The following FBN1 variants were observed in gnomAD, a reference collection of about 807,000 sequenced individuals.
FBN1 encodes fibrillin-1.
In FBN1, 29 loss-of-function variants were observed where a neutral mutation model predicts 365.1. The ratio of observed to expected loss-of-function variants is 0.08; its 90% CI spans 0.06 to 0.11. FBN1 has a LOEUF of 0.11. Among genes scored for constraint, FBN1 ranks in the 10% least tolerant of loss-of-function variants. The pLI is 1.00. For missense variants in FBN1, 2,476 were observed against 3,703.2 expected, an observed-to-expected ratio of 0.67 and a Z score of 8.60; for synonymous variants, 1,210 against 1,270.5, an observed-to-expected ratio of 0.95 and a Z score of 1.01.
At chr15:48,560,743 C>T (rs1053500263) in intron 6 of FBN1, among the ~76,000 whole-genome samples, 3 of 152,088 alleles carry the variant, frequency 2.0e-5, no homozygotes, top group African/African-American at 4.8e-5. Context: ...CAAATGTTGA[C>T]GGAGCCCCAA....
intron 6 of FBN1, among the ~76,000 whole-genome samples, chr15:48,566,977 G>A (rs192585804): frequency 2.8e-4 from 42 of 152,262 alleles, no homozygotes; most frequent in African/African-American, 8.4e-4. Flanking sequence ...ACCATCACCC[G>A]GGAGTTTGAT....
chr15:48,516,261 G>C lies in FBN1; in HGVS notation c.1249C>G (p.Pro417Ala). The C allele has an allele frequency of 6.2e-7, 1 of 1,613,300 alleles. No homozygotes were observed. The highest frequency in any genetic ancestry group is 8.5e-7 in the Non-Finnish European group (1 of 1,179,584). ...GPIPPVLPVP[P>A]GFPPGPQIPV... is the part of the protein sequence containing the mutation. ...ATTTGAGGTCCAGGAGGAAAGCCAG[G>C]AGGAACAGGGAGAACTGGAGGAATG... Residue 417 changes from proline to alanine, a missense_variant, in exon 11 of 66, where the codon CCT becomes GCT. Transcript: ENST00000316623.
chr15:48,596,004 T>C (rs2044512481), intron 6 of FBN1, among the ~76,000 whole-genome samples: 2 of 152,354 alleles, frequency 1.3e-5, no homozygotes, highest in South Asian at 4.1e-4. Context: ...TTTATCCTGA[T>C]GCCAACTGGT....
intron 21 of FBN1, 52 bp from the exon 22 acceptor site, chr15:48,495,312 A>T: frequency 6.2e-7 from 1 of 1,604,274 alleles, no homozygotes; most frequent in Non-Finnish European, 8.5e-7. Flanking sequence ...ATTCAAACAT[A>T]CACCTTGGAA....
chr15:48,554,222 C>T (rs571146708), intron 6 of FBN1, among the ~76,000 whole-genome samples: 41 of 152,290 alleles, frequency 2.7e-4, no homozygotes, highest in Middle Eastern at 3.4e-3. Context: ...GCAGATGGAA[C>T]GACAATCTAC....
At chr15:48,512,783 T>C (rs2043771450) in intron 13 of FBN1, among the ~76,000 whole-genome samples, 1 of 152,130 alleles carries the variant, frequency 6.6e-6, no homozygotes, top group Non-Finnish European at 1.5e-5. Context: ...TTTTCTGTCT[T>C]TACTGAATTA....
chr15:48,435,750 ATGTGTGTATATATATG>A (rs796203353), intron 53 of FBN1, among the ~76,000 whole-genome samples: 10 of 85,086 alleles, frequency 1.2e-4, no homozygotes, highest in East Asian at 9.9e-4. Flanking sequence ...GTGTATATAT[ATGTGTGTATATATATG>A]TGTATATGTG....
intron 10 of FBN1, among the ~76,000 whole-genome samples, chr15:48,518,410 A>T (rs1034309716): frequency 1.3e-5 from 2 of 152,258 alleles, no homozygotes; most frequent in African/African-American, 4.8e-5. Flanking sequence ...TTATTAAATG[A>T]CAGTTACATT....
intron 6 of FBN1, among the ~76,000 whole-genome samples, chr15:48,547,769 A>T: frequency 6.9e-6 from 1 of 144,296 alleles, no homozygotes; most frequent in African/African-American, 2.8e-5. Flanking sequence ...ACACACACAC[A>T]CACACAGTCA....
chr15:48,508,883 C>T (rs1048031009), intron 14 of FBN1, among the ~76,000 whole-genome samples, 179 bp from the exon 15 acceptor site: 1 of 152,202 alleles, frequency 6.6e-6, no homozygotes, highest in East Asian at 1.9e-4. Flanking sequence ...ATATGAAATA[C>T]ATATCTCAAG....
At chr15:48,430,575 G>A (rs1433377604) in intron 56 of FBN1, 96 bp downstream of exon 56, 24 of 1,451,894 alleles carry the variant, frequency 1.7e-5, no homozygotes, top group Admixed American at 5.0e-5. Flanking sequence ...AATGGGTCTC[G>A]CCAAGAACAG....
rs2043150609 is a variant in FBN1 at position 48,445,406 on chromosome 15, C to T, written c.5887G>A (p.Glu1963Lys). 6.2e-7 allele frequency: 1 copy of T among 1,612,766 alleles called. No individual in the cohort carries two copies. The highest frequency in any genetic ancestry group is 1.1e-5 in the South Asian group (1 of 91,056). ...SFQCQCNEGY[E>K]VAPDGRTCVD... is the part of the protein sequence containing the mutation. Reference sequence around the variant, plus strand: ...CAGGTCCTCCCATCTGGAGCCACCTCATAGCCTTCATTGCACTGGCACTGG... The same window carrying T: ...CAGGTCCTCCCATCTGGAGCCACCTTATAGCCTTCATTGCACTGGCACTGG... The change falls in exon 48 of 66, where the codon GAG becomes AAG. Residue 1963 changes from glutamate (E) to lysine (K), a missense_variant. Transcript: ENST00000316623.
At position 48,495,509 on chromosome 15, in the gene FBN1, A is replaced by T. The variant is rs752911828; in HGVS notation, c.2499T>A (p.Ser833=). Reference sequence around the variant, plus strand: ...TTGTTGGATCCAAAGTACTTTCAGAAGAACATTCACAAATAAAAGAGCCTG... The same window carrying T: ...TTGTTGGATCCAAAGTACTTTCAGATGAACATTCACAAATAAAAGAGCCTG... ...NSPGSFICEC[S]SESTLDPTKT... Residue 833 remains serine (S), a synonymous_variant, in exon 21 of 66, where the codon TCT becomes TCA. Transcript: ENST00000316623. The T allele has an allele frequency of 3.7e-6, 6 of 1,613,956 alleles. No homozygotes were observed. In the South Asian group the frequency reaches 6.6e-5, roughly 18 times the overall value.
intron 48 of FBN1, 55 bp downstream of exon 48, chr15:48,445,321 C>A: frequency 1.9e-6 from 3 of 1,594,504 alleles, no homozygotes; most frequent in Non-Finnish European, 2.6e-6. Flanking sequence ...CTGCATGATT[C>A]CTTGAGTGGT....
At chr15:48,431,945 G>A (rs947540286) in intron 55 of FBN1, among the ~76,000 whole-genome samples, 8 of 152,212 alleles carry the variant, frequency 5.3e-5, no homozygotes, top group East Asian at 3.9e-4. Context: ...ATAAGCCACC[G>A]TGCCTGGCCA....
Position 48,425,752 on chromosome 15 carries a change from C to A in FBN1, c.7317G>T (p.Gly2439=). 6.2e-7 allele frequency: 1 copy of A among 1,613,282 alleles called. No individual in the cohort carries two copies. The highest frequency in any genetic ancestry group is 1.1e-5 in the South Asian group (1 of 91,056). Residue 2439 remains glycine (G), a synonymous_variant, in exon 59 of 66, where the codon GGG becomes GGT. Transcript: ENST00000316623. ...CKTGYTPDIT[G]TSCVDLNECN... The stretch of plus-strand genomic sequence containing the variant: ...ATAGACACTTACCTACACAGGAAGT[C>A]CCAGTTATATCTGGAGTGTACCCAG...
chr15:48,430,558 A>G, intron 56 of FBN1, 113 bp downstream of exon 56: 1 of 1,242,540 alleles, frequency 8.0e-7, no homozygotes, highest in African/African-American at 1.5e-5. Context: ...TGCGGTTAAG[A>G]GAACAAAATG....
chr15:48,524,770 C>T (rs1243744124), intron 9 of FBN1, among the ~76,000 whole-genome samples: 2 of 152,258 alleles, frequency 1.3e-5, no homozygotes, highest in East Asian at 3.9e-4. Context: ...TCAGCTGCTT[C>T]CCATCTACAA....
chr15:48,474,278 G>A lies in FBN1; in HGVS notation c.4187C>T (p.Thr1396Ile), dbSNP rs2043401571. 4.3e-6 allele frequency: 7 copies of A among 1,614,110 alleles called. No individual in the cohort carries two copies. The highest frequency in any genetic ancestry group is 3.3e-4 in the Middle Eastern group (2 of 6,062). ...ACCTGTACAAGTGAAGCCATCACCTGTGTATCCTTCCTTGCACAGACAGCG... is the reference window on the plus strand; with the variant it reads ...ACCTGTACAAGTGAAGCCATCACCTATGTATCCTTCCTTGCACAGACAGCG... ...SYRCLCKEGY[T>I]GDGFTCTDLD... The change falls in exon 34 of 66, where the codon ACA (threonine) becomes ATA (isoleucine). Residue 1396 changes from threonine (T) to isoleucine (I), a missense_variant. Physicochemically the swap from Thr to Ile is moderately conservative, Grantham distance 89 (BLOSUM62 -1). Transcript: ENST00000316623.
Sources: allele counts gnomAD v4.1 joint callset (sites outside exome capture counted in the v4.1 genomes callset), GRCh38; gene constraint gnomAD v4.1.1; transcripts MANE v1.5; gene names NCBI Gene and HGNC (gene_info 2026-07-23, HGNC 2026-07-21).